IGF1R: variants seen among roughly 807,000 people sequenced by gnomAD.
IGF1R encodes the protein insulin like growth factor 1 receptor, also known as insulin-like growth factor 1 receptor.
Under a neutral mutation model 144.6 loss-of-function variants are expected in IGF1R, and 44 were observed. The observed-to-expected ratio is 0.30, with a 90% confidence interval of 0.24 to 0.39. The LOEUF is 0.39. Among genes scored for constraint, IGF1R ranks in the 10% least tolerant of loss-of-function variants. IGF1R has a pLI of 1.00. For synonymous variants in IGF1R, 795 were observed against 722.8 expected, an observed-to-expected ratio of 1.10 and a Z score of -1.60; for missense variants, 1,355 against 1,833.7, an observed-to-expected ratio of 0.74 and a Z score of 4.77.
chr15:98,858,143 TTCA>T (rs2011936540), intron 2 of IGF1R, among the ~76,000 whole-genome samples: 1 of 152,250 alleles, frequency 6.6e-6, no homozygotes, highest in Non-Finnish European at 1.5e-5. Flanking sequence ...TGGCTATCAA[TTCA>T]TGGCTATTCA....
At chr15:98,725,089 C>T (rs2054326645) in intron 2 of IGF1R, among the ~76,000 whole-genome samples, 1 of 152,226 alleles carries the variant, frequency 6.6e-6, no homozygotes, top group Non-Finnish European at 1.5e-5. Flanking sequence ...AGCCCACTGT[C>T]TCCTGTTCCC....
At chr15:98,828,899 C>G (rs2056950528) in intron 2 of IGF1R, among the ~76,000 whole-genome samples, 1 of 150,116 alleles carries the variant, frequency 6.7e-6, no homozygotes. Flanking sequence ...TCGAGCAATT[C>G]AGTGCCTTAG....
chr15:98,672,168 G>A (rs1266606664), intron 1 of IGF1R, among the ~76,000 whole-genome samples: 1 of 152,116 alleles, frequency 6.6e-6, no homozygotes, highest in Non-Finnish European at 1.5e-5. Flanking sequence ...AAAAGAATTG[G>A]GAATATTTAT....
chr15:98,963,911 C>T lies in IGF1R; in HGVS notation c.*6469C>T. The T allele has an allele frequency of 4.3e-6, 1 of 233,330 alleles. No individual in the cohort carries two copies. The highest frequency in any genetic ancestry group is 8.5e-6 in the Non-Finnish European group (1 of 117,996). The allele number at this position is 233,330 out of a possible 1,614,324, so 14.5% of individuals were successfully genotyped here. On this transcript the variant is annotated 3_prime_UTR_variant, in exon 21 of 21. Coordinates refer to ENST00000650285, the MANE Select transcript of IGF1R (RefSeq NM_000875.5). ...CTCCCCAACTCCACAATATCTCTAT[C>T]ATGGGAAACACCTGGGGTTTTTGCG... is the stretch of plus-strand genomic sequence containing the variant.
chr15:98,672,027 A>G (rs2052906130), intron 1 of IGF1R, among the ~76,000 whole-genome samples: 2 of 152,216 alleles, frequency 1.3e-5, no homozygotes, highest in East Asian at 3.8e-4. Context: ...GTATATTAAT[A>G]TAATCCAAGC....
intron 1 of IGF1R, among the ~76,000 whole-genome samples, chr15:98,653,079 G>T (rs2052409229): frequency 6.6e-6 from 1 of 152,012 alleles, no homozygotes; most frequent in South Asian, 2.1e-4. Flanking sequence ...GTGAGTTGCA[G>T]CAATACAACA....
At chr15:98,810,101 G>A (rs1048357285) in intron 2 of IGF1R, among the ~76,000 whole-genome samples, 1 of 151,732 alleles carries the variant, frequency 6.6e-6, no homozygotes, top group Non-Finnish European at 1.5e-5. Flanking sequence ...TGGGAGGTGG[G>A]GCCCAGGGTG....
chr15:98,652,934 C>G (rs201987174), intron 1 of IGF1R, among the ~76,000 whole-genome samples: 1 of 143,300 alleles, frequency 7.0e-6, no homozygotes, highest in African/African-American at 2.6e-5. Context: ...TCAATAAACC[C>G]TTTTTTTTTT....
intron 2 of IGF1R, among the ~76,000 whole-genome samples, chr15:98,875,350 T>TTTC (rs397853692): frequency 0.027 from 1,562 of 57,860 alleles, 10 homozygotes; most frequent in Non-Finnish European, 0.042. Context: ...TTTTCTTTTC[T>TTTC]TTTTTTTTTT....
intron 2 of IGF1R, among the ~76,000 whole-genome samples, chr15:98,741,245 T>G (rs1290816318): frequency 2.0e-5 from 3 of 149,606 alleles, no homozygotes; most frequent in South Asian, 2.1e-4. Context: ...CTTTTTTTTT[T>G]TTTTTTTTTT....
chr15:98,727,063 T>G (rs1285830055), intron 2 of IGF1R, among the ~76,000 whole-genome samples: 2 of 152,150 alleles, frequency 1.3e-5, no homozygotes, highest in African/African-American at 4.8e-5. Flanking sequence ...TTGATGCTGA[T>G]CAGTGATTAG....
chr15:98,648,875 C>CCGGCGCGGGGCGGGCGG lies in IGF1R; in HGVS notation c.-700_-684dup, dbSNP rs2052261574. 1 of 143,930 alleles carries CCGGCGCGGGGCGGGCGG rather than the reference C, an allele frequency of 6.9e-6. No individual in the cohort carries two copies. Among genetic ancestry groups the CCGGCGCGGGGCGGGCGG allele is most frequent in the Admixed American group, 6.9e-5 (1 of 14,566 alleles). 8.9% of individuals were successfully genotyped at this position (143,930 alleles called of 1,614,324 possible). Reference sequence around the variant, plus strand: ...GCGGCGGGCGGGGGCCGGGCGGGGGCCGGCGCGGGGCGGGCGGCGGCGCAG... The same window carrying CCGGCGCGGGGCGGGCGG: ...GCGGCGGGCGGGGGCCGGGCGGGGGCCGGCGCGGGGCGGGCGGCGGCGCGGGGCGGGCGGCGGCGCAG... On this transcript the variant is annotated 5_prime_UTR_variant, in exon 1 of 21. Coordinates refer to ENST00000650285, the MANE Select transcript of IGF1R (RefSeq NM_000875.5).
At chr15:98,883,447 C>T (rs114361442) in intron 2 of IGF1R, among the ~76,000 whole-genome samples, 3 of 152,130 alleles carry the variant, frequency 2.0e-5, no homozygotes, top group African/African-American at 7.2e-5. Flanking sequence ...ACTAAGCTTC[C>T]TTTTCCAACC....
At chr15:98,693,424 C>A (rs1004325743) in intron 1 of IGF1R, among the ~76,000 whole-genome samples, 4 of 152,174 alleles carry the variant, frequency 2.6e-5, no homozygotes, top group African/African-American at 9.7e-5. Context: ...CACAAAGCTG[C>A]TGAATGGGGC....
chr15:98,771,765 A>C (rs2055592532), intron 2 of IGF1R, among the ~76,000 whole-genome samples: 1 of 152,178 alleles, frequency 6.6e-6, no homozygotes, highest in South Asian at 2.1e-4. Context: ...GTTACGGTTA[A>C]GTTTGGATTG....
intron 2 of IGF1R, among the ~76,000 whole-genome samples, chr15:98,741,866 A>G (rs1056062147): frequency 1.3e-5 from 2 of 152,148 alleles, no homozygotes; most frequent in Non-Finnish European, 2.9e-5. Context: ...AACTGTAGGC[A>G]GTTGTATGTC....
At chr15:98,863,886 AT>A (rs2012291099) in intron 2 of IGF1R, among the ~76,000 whole-genome samples, 1 of 152,202 alleles carries the variant, frequency 6.6e-6, no homozygotes, top group Admixed American at 6.5e-5. Flanking sequence ...CATGAATTTA[AT>A]TTATCATGTG....
chr15:98,842,186 A>G (rs1399867361), intron 2 of IGF1R, among the ~76,000 whole-genome samples: 1 of 152,236 alleles, frequency 6.6e-6, no homozygotes, highest in African/African-American at 2.4e-5. Context: ...GGCAAGCCAC[A>G]TAACTACCAT....
intron 2 of IGF1R, among the ~76,000 whole-genome samples, chr15:98,853,180 C>T (rs1596360947): frequency 6.6e-6 from 1 of 152,040 alleles, no homozygotes; most frequent in African/African-American, 2.4e-5. Flanking sequence ...TTCCCTATTC[C>T]TAGGTTTGAA....
Sources: gnomAD v4.1 joint callset for allele counts (sites outside exome capture counted in the v4.1 genomes callset) on GRCh38, gnomAD v4.1.1 for gene constraint, MANE v1.5 for transcripts, NCBI Gene and HGNC (gene_info 2026-07-23, HGNC 2026-07-21) for gene names.